AK2: variants seen among roughly 807,000 people sequenced by gnomAD.
AK2 encodes the protein adenylate kinase 2.
A neutral mutation model predicts 24.6 loss-of-function variants in AK2; 15 were observed. The ratio of observed to expected loss-of-function variants is 0.61; its 90% CI spans 0.41 to 0.94. The LOEUF is 0.94. Ranked by LOEUF, AK2 falls within the 40% of genes least tolerant of loss-of-function variation. The pLI, the probability that AK2 is intolerant of heterozygous loss-of-function variation, is 0.00. For synonymous variants in AK2, 102 were observed against 114.0 expected, an observed-to-expected ratio of 0.90 and a Z score of 0.67; for missense variants, 257 against 304.1, an observed-to-expected ratio of 0.85 and a Z score of 1.15.
Position 33,032,049 on chromosome 1 carries a change from C to A in AK2, c.93+4687G>T, listed in dbSNP as rs187022329. 3.9e-4 allele frequency: 75 copies of A among 190,662 alleles called. 2 individuals carry two copies. Among genetic ancestry groups the A allele is most frequent in the Admixed American group, 3.2e-3 (55 of 17,454 alleles). 11.8% of individuals were successfully genotyped at this position (190,662 alleles called of 1,614,324 possible). On this transcript the variant is annotated intron_variant, in intron 1 of 5. Coordinates refer to ENST00000672715, the MANE Select transcript of AK2 (RefSeq NM_001625.4). ...ATTATTTCAGTCATGCAACATAAAG[C>A]ACATAAAATACTGAGTTACGCAGGT...
chr1:33,023,903 G>A (rs537487062), intron 2 of AK2, among the ~76,000 whole-genome samples: 33 of 152,352 alleles, frequency 2.2e-4, no homozygotes, highest in Non-Finnish European at 3.2e-4. Context: ...AAGTGCGGTG[G>A]CTCACGCCTG....
chr1:33,017,370 A>G (rs1037580853), intron 4 of AK2, among the ~76,000 whole-genome samples: 4 of 152,182 alleles, frequency 2.6e-5, no homozygotes. Context: ...TGATGCATTC[A>G]TTCAGAAATG....
intron 1 of AK2, among the ~76,000 whole-genome samples, chr1:33,028,269 C>T (rs1171411138): frequency 2.0e-5 from 3 of 151,992 alleles, no homozygotes; most frequent in African/African-American, 7.3e-5. Context: ...TCTAGGAGGC[C>T]GAAGCAGGCG....
intron 1 of AK2, among the ~76,000 whole-genome samples, chr1:33,034,488 ATAT>A (rs1281052427): frequency 7.1e-6 from 1 of 141,752 alleles, no homozygotes; most frequent in Non-Finnish European, 1.5e-5. Flanking sequence ...ACACACACAC[ATAT>A]ATCATAATTT....
In AK2 at chr1:33,036,742, C is replaced by T. The variant is rs564282489; in HGVS notation, c.87G>A (p.Gly29=). Reference sequence around the variant, plus strand: ...GCCCAGTCCTGCCGCTCACCTGGGTCCCTTTACCGGCCCCGGGAGGCCCCA... The same window carrying T: ...GCCCAGTCCTGCCGCTCACCTGGGTTCCTTTACCGGCCCCGGGAGGCCCCA... ...VLLGPPGAGK[G]TQAPRLAENF... is the part of the protein sequence containing the mutation. Residue 29 remains glycine (G), a synonymous_variant, in exon 1 of 6, where the codon GGG becomes GGA. Coordinates refer to ENST00000672715, the MANE Select transcript of AK2 (RefSeq NM_001625.4). The T allele has an allele frequency of 1.9e-6, 3 of 1,578,016 alleles. No homozygotes were observed. The highest frequency in any genetic ancestry group is 1.3e-5 in the African/African-American group (1 of 74,090).
chr1:33,036,718 C>T lies in AK2; in HGVS notation c.93+18G>A. The stretch of plus-strand genomic sequence containing the variant: ...GAGTTCAGCAGGCTCCGCCGCCAAG[C>T]CCAGTCCTGCCGCTCACCTGGGTCC... On this transcript the variant is annotated intron_variant, in intron 1 of 5. Transcript: ENST00000672715. 6.4e-7 allele frequency: 1 copy of T among 1,566,392 alleles called. No homozygotes were observed. The highest frequency in any genetic ancestry group is 8.7e-7 in the Non-Finnish European group (1 of 1,154,194).
At position 33,008,098 on chromosome 1, in the gene AK2, C is replaced by A. The variant is rs1276174735; in HGVS notation, c.*5083G>T. 3 of 454,120 alleles carry A rather than the reference C, an allele frequency of 6.6e-6. No homozygotes were observed. The Admixed American group carries it at 7.0e-5, about 11-fold the overall frequency. The allele number at this position is 454,120 out of a possible 1,614,324, so 28.1% of individuals were successfully genotyped here. A position where few individuals can be genotyped will look rare whatever the true frequency, so the allele number is the denominator to read the frequency against. On this transcript the variant is annotated 3_prime_UTR_variant, in exon 6 of 6. Transcript: ENST00000672715. ...TTTCTAGGGGATCCTTAGCCTGGTT[C>A]CGGATGGTCAGTAAGACAACTTTCT...
intron 5 of AK2, among the ~76,000 whole-genome samples, chr1:33,013,699 C>T (rs1008496420): frequency 2.0e-5 from 3 of 152,178 alleles, no homozygotes; most frequent in Non-Finnish European, 4.4e-5. Flanking sequence ...TCAGGCGATT[C>T]AGCTTCCAAG....
chr1:33,034,917 T>A (rs1304966971), intron 1 of AK2, among the ~76,000 whole-genome samples: 2 of 151,756 alleles, frequency 1.3e-5, no homozygotes, highest in Admixed American at 6.6e-5. Context: ...CTGGGCATGG[T>A]AGCATGTGCC....
In AK2 at chr1:33,036,829, G is replaced by C; in HGVS notation, c.-1C>G. On this transcript the variant is annotated 5_prime_UTR_variant, in exon 1 of 6. Coordinates refer to ENST00000672715, the MANE Select transcript of AK2 (RefSeq NM_001625.4). ...CTGCCGCTGGCACGCTGGGAGCCAT[G>C]TCCGCCGAAGTCTCTCACTGCCACC... 3 of 1,586,580 alleles carry C rather than the reference G, an allele frequency of 1.9e-6. No homozygotes were observed. Among genetic ancestry groups the C allele is most frequent in the South Asian group, 2.3e-5 (2 of 87,582 alleles).
chr1:33,012,316 C>A lies in AK2; in HGVS notation c.*865G>T. On this transcript the variant is annotated 3_prime_UTR_variant, in exon 6 of 6. Coordinates refer to ENST00000672715, the MANE Select transcript of AK2 (RefSeq NM_001625.4). ...CTCTCCCAGTAATTTCTGTAACCTG[C>A]AAAGTAAGTGCCTTTTTCCTTCCAC... is the stretch of plus-strand genomic sequence containing the variant. 1.3e-6 allele frequency: 2 copies of A among 1,532,256 alleles called. No homozygotes were observed. The highest frequency in any genetic ancestry group is 1.7e-6 in the Non-Finnish European group (2 of 1,146,030). The allele number at this position is 1,532,256 out of a possible 1,614,324, so 94.9% of individuals were successfully genotyped here. A position where few individuals can be genotyped will look rare whatever the true frequency, so the allele number is the denominator to read the frequency against.
At position 33,009,460 on chromosome 1, in the gene AK2, C is replaced by T. The variant is rs1198500058; in HGVS notation, c.*3721G>A. 4.4e-6 allele frequency: 2 copies of T among 454,126 alleles called. No individual in the cohort carries two copies. Among genetic ancestry groups the T allele is most frequent in the Admixed American group, 4.7e-5 (2 of 42,570 alleles). 28.1% of individuals were successfully genotyped at this position (454,126 alleles called of 1,614,324 possible). A position where few individuals can be genotyped will look rare whatever the true frequency, so the allele number is the denominator to read the frequency against. ...GACAAGTGTCCATTCAACAGTTATC[C>T]AGCCTGGCAGGAAGCAGATATCTTT... On this transcript the variant is annotated 3_prime_UTR_variant, in exon 6 of 6. Coordinates refer to ENST00000672715, the MANE Select transcript of AK2 (RefSeq NM_001625.4).
At chr1:33,015,049 T>A (rs1436378431) in intron 4 of AK2, among the ~76,000 whole-genome samples, 2 of 152,174 alleles carry the variant, frequency 1.3e-5, no homozygotes, top group Non-Finnish European at 2.9e-5. Flanking sequence ...AACGTGATAA[T>A]CCTTTAACAG....
chr1:33,026,267 C>T lies in AK2; in HGVS notation c.94-1700G>A, dbSNP rs1429649272. Among the ~76,000 whole-genome samples the T allele has an allele frequency of 3.9e-5, 6 of 152,236 alleles. No individual in the cohort carries two copies. The East Asian group carries it at 5.8e-4, about 15-fold the overall frequency. On this transcript the variant is annotated intron_variant, in intron 1 of 5. Transcript: ENST00000672715. The stretch of plus-strand genomic sequence containing the variant: ...AGGCTGGAGTGCAGTGGCACGATCA[C>T]GGCTCACTGCAGCCACGAACTCCCT...
At chr1:33,018,007 C>T (rs1639302135) in intron 4 of AK2, among the ~76,000 whole-genome samples, 1 of 152,088 alleles carries the variant, frequency 6.6e-6, no homozygotes, top group Non-Finnish European at 1.5e-5. Flanking sequence ...TCAAGTAATC[C>T]TCCTGTTTAG....
chr1:33,026,514 A>T (rs1329191645), intron 1 of AK2, among the ~76,000 whole-genome samples: 1 of 152,260 alleles, frequency 6.6e-6, no homozygotes, highest in African/African-American at 2.4e-5. Context: ...AGAAGGCATT[A>T]AAAACTGTAC....
At position 33,021,644 on chromosome 1, in the gene AK2, T is replaced by C; in HGVS notation, c.279A>G (p.Lys93=). The change falls in exon 3 of 6, where the codon AAA becomes AAG. Residue 93 remains lysine, a synonymous_variant. Transcript: ENST00000672715. ...IEKNLETPLC[K]NGFLLDGFPR... ...GGAAGCCATCCAGAAGAAAACCATT[T>C]TTGCACAAGGGGGTCTCCAAATTCT... 5 of 1,614,176 alleles carry C rather than the reference T, an allele frequency of 3.1e-6. No individual in the cohort carries two copies. Among genetic ancestry groups the C allele is most frequent in the Non-Finnish European group, 4.2e-6 (5 of 1,180,024 alleles).
chr1:33,024,389 T>C, intron 2 of AK2, 53 bp downstream of exon 2: 2 of 1,610,986 alleles, frequency 1.2e-6, no homozygotes, highest in Non-Finnish European at 1.7e-6. Flanking sequence ...TATTGGACAG[T>C]GCAGATCTAG....
intron 1 of AK2, 106 bp downstream of exon 1, chr1:33,036,630 C>T (rs1640596568): frequency 2.7e-5 from 30 of 1,093,678 alleles, no homozygotes; most frequent in Non-Finnish European, 3.7e-5. Flanking sequence ...CCCCGCAGGC[C>T]TTAGTCCCCG....
Sources: allele counts gnomAD v4.1 joint callset (sites outside exome capture counted in the v4.1 genomes callset), GRCh38; gene constraint gnomAD v4.1.1; transcripts MANE v1.5; gene names NCBI Gene and HGNC (gene_info 2026-07-23, HGNC 2026-07-21).